Variants in KLHL13 observed in about 807,000 individuals in gnomAD.
The protein encoded by KLHL13 is kelch-like protein 13.
In KLHL13, 10 loss-of-function variants were observed where a neutral mutation model predicts 37.1. That is an observed-to-expected ratio of 0.27 (90% CI 0.17 to 0.46). KLHL13 has a LOEUF of 0.46. Ranked by LOEUF, KLHL13 falls within the 20% of genes least tolerant of loss-of-function variation. KLHL13 has a pLI of 1.00. For synonymous variants in KLHL13, 163 were observed against 181.2 expected, an observed-to-expected ratio of 0.90 and a Z score of 0.81; for missense variants, 360 against 509.3, an observed-to-expected ratio of 0.71 and a Z score of 2.82.
intron 1 of KLHL13, among the ~76,000 whole-genome samples, chrX:118,023,966 A>G (rs2054248634): frequency 8.9e-6 from 1 of 112,057 alleles, no homozygotes. Flanking sequence ...GCAACTTCCC[A>G]TTATTTTCTA....
At chrX:118,074,029 G>C (rs2054902340) in intron 1 of KLHL13, among the ~76,000 whole-genome samples, 1 of 112,096 alleles carries the variant, frequency 8.9e-6, no homozygotes, top group East Asian at 2.8e-4. Context: ...TGTCCTTTCT[G>C]ACTCCCTTGT....
chrX:117,973,711 G>A (rs944318210), exon 1 of KLHL13: 4 of 832,943 alleles, frequency 4.8e-6, no homozygotes, highest in Non-Finnish European at 5.8e-6. Flanking sequence ...TTCTGCAGCA[G>A]CGAAGTACAG....
chrX:118,091,615 G>GA (rs1034768812), intron 1 of KLHL13, among the ~76,000 whole-genome samples: 18 of 110,493 alleles, frequency 1.6e-4, no homozygotes, highest in Non-Finnish European at 2.5e-4. Flanking sequence ...AAAATAAACT[G>GA]AAAAAAATAT....
At chrX:118,057,858 G>A (rs754772683) in intron 1 of KLHL13, among the ~76,000 whole-genome samples, 1 of 110,089 alleles carries the variant, frequency 9.1e-6, no homozygotes, top group East Asian at 2.8e-4. Context: ...CTACAGAATA[G>A]GAGAAAATAT....
intron 1 of KLHL13, among the ~76,000 whole-genome samples, chrX:117,963,480 C>T (rs914495513): frequency 9.0e-6 from 1 of 111,363 alleles, no homozygotes; most frequent in Non-Finnish European, 1.9e-5. Context: ...ACATAAATTG[C>T]TTCATTTTCC....
At chrX:117,980,752 A>G (rs1235542328) in intron 1 of KLHL13, among the ~76,000 whole-genome samples, 7 of 111,738 alleles carry the variant, frequency 6.3e-5, no homozygotes, top group Non-Finnish European at 1.1e-4. Flanking sequence ...AATTTCATAT[A>G]CATATGCCCA....
At chrX:118,039,300 G>C (rs966296232) in intron 1 of KLHL13, among the ~76,000 whole-genome samples, 4 of 111,998 alleles carry the variant, frequency 3.6e-5, no homozygotes, top group Non-Finnish European at 5.6e-5. Context: ...CCCAATTCTA[G>C]GCCTTGACTC....
intron 5 of KLHL13, 115 bp downstream of exon 6, chrX:117,909,186 A>T: frequency 1.5e-6 from 1 of 657,653 alleles, no homozygotes. Flanking sequence ...AAATAGTTTT[A>T]AAATAAAACC....
At chrX:118,085,443 A>G (rs2055042561) in intron 1 of KLHL13, among the ~76,000 whole-genome samples, 1 of 110,634 alleles carries the variant, frequency 9.0e-6, no homozygotes, top group Non-Finnish European at 1.9e-5. Flanking sequence ...ATATATATAT[A>G]TTTCAATAGT....
chrX:117,955,274 A>G (rs1464004559), intron 1 of KLHL13, among the ~76,000 whole-genome samples: 3 of 111,969 alleles, frequency 2.7e-5, no homozygotes, highest in Non-Finnish European at 5.6e-5. Flanking sequence ...GTTCTATTCA[A>G]CTTCACAAAG....
At chrX:118,033,462 A>C (rs907636169) in intron 1 of KLHL13, among the ~76,000 whole-genome samples, 3 of 111,357 alleles carry the variant, frequency 2.7e-5, no homozygotes, top group African/African-American at 9.8e-5. Context: ...AAGAATTTTC[A>C]ACCCAGAATT....
intron 1 of KLHL13, among the ~76,000 whole-genome samples, chrX:117,954,578 C>A (rs1933806949): frequency 8.9e-6 from 1 of 112,554 alleles, no homozygotes; most frequent in South Asian, 3.7e-4. Flanking sequence ...TGATTCCATA[C>A]CTTCTATACA....
chrX:117,966,091 A>G (rs1162316139), intron 1 of KLHL13, among the ~76,000 whole-genome samples: 2 of 111,683 alleles, frequency 1.8e-5, no homozygotes, highest in South Asian at 3.7e-4. Flanking sequence ...AGGGTATTCA[A>G]TTAGGAAAAG....
intron 1 of KLHL13, among the ~76,000 whole-genome samples, chrX:118,099,410 A>G (rs1376795826): frequency 1.8e-5 from 2 of 111,965 alleles, no homozygotes; most frequent in East Asian, 2.8e-4. Context: ...AAAAGTAAGT[A>G]TTAATATGTG....
intron 1 of KLHL13, among the ~76,000 whole-genome samples, chrX:117,985,659 G>C (rs1304710370): frequency 9.1e-6 from 1 of 110,092 alleles, no homozygotes; most frequent in Non-Finnish European, 1.9e-5. Flanking sequence ...ACTAACACCA[G>C]GAAATCCAAC....
At chrX:118,027,982 AAAT>A (rs1179546210) in intron 1 of KLHL13, among the ~76,000 whole-genome samples, 2 of 112,113 alleles carry the variant, frequency 1.8e-5, no homozygotes, top group Non-Finnish European at 3.8e-5. Context: ...AAGAAGCTTT[AAAT>A]ATCTCATAGT....
chrX:117,954,610 C>T lies in KLHL13; in HGVS notation c.99-9035G>A, dbSNP rs938126132. Among the ~76,000 whole-genome samples, 27 of 112,408 alleles carry T rather than the reference C, an allele frequency of 2.4e-4. No homozygotes were observed. The Admixed American group carries it at 2.5e-3, about 11-fold the overall frequency. ...TACAAACAAGTGAATTCAAATCTTCCTTGCTTTTATAAAACCACATAGGTG... is the reference window on the plus strand; with the variant it reads ...TACAAACAAGTGAATTCAAATCTTCTTTGCTTTTATAAAACCACATAGGTG... On this transcript the variant is annotated intron_variant, in intron 1 of 6. Transcript: ENST00000262820.
At chrX:117,975,212 A>G (rs965529411), upstream of KLHL13, among the ~76,000 whole-genome samples, 2 of 111,248 alleles carry the variant, frequency 1.8e-5, no homozygotes, top group Non-Finnish European at 3.8e-5. Context: ...AGCCACACAC[A>G]TGTATGAACA....
intron 1 of KLHL13, among the ~76,000 whole-genome samples, chrX:118,085,801 G>C (rs2055048207): frequency 1.4e-5 from 1 of 69,865 alleles, no homozygotes; most frequent in Admixed American, 1.4e-4. Context: ...TCCATGGTGT[G>C]TGTGTGTGTG....
Sources: allele counts gnomAD v4.1 joint callset (sites outside exome capture counted in the v4.1 genomes callset), GRCh38; gene constraint gnomAD v4.1.1; transcripts MANE v1.5; gene names NCBI Gene and HGNC (gene_info 2026-07-23, HGNC 2026-07-21).